NPRL3: variants seen among roughly 807,000 people sequenced by gnomAD.
NPRL3 encodes the protein NPR3 like, GATOR1 complex subunit.
NPRL3 carries 23 observed loss-of-function variants against 57.2 expected under a neutral mutation model. The observed-to-expected ratio is 0.40, with a 90% CI of 0.29 to 0.57. The LOEUF (loss-of-function observed/expected upper bound fraction) is 0.57. NPRL3 is among the 20% of genes least tolerant of loss of function. The pLI is 0.42. For missense variants in NPRL3, 691 were observed against 767.1 expected (o/e 0.90, Z 1.17); for synonymous variants, 333 against 321.1 (o/e 1.04, Z -0.39).
chr16:90,176 G>A lies in NPRL3; in HGVS notation c.1162-274C>T, dbSNP rs183079308. The A allele has an allele frequency of 2.7e-3, 1,204 of 444,696 alleles. 38 individuals carry two copies. The Admixed American group carries it at 0.048, about 18-fold the overall frequency. 27.5% of individuals were successfully genotyped at this position (444,696 alleles called of 1,614,324 possible). A position where few individuals can be genotyped will look rare whatever the true frequency, so the allele number is the denominator to read the frequency against. On this transcript the variant is annotated intron_variant, in intron 11 of 13. Coordinates refer to ENST00000611875, the MANE Select transcript of NPRL3 (RefSeq NM_001077350.3). Reference sequence around the variant, plus strand: ...CGGGGCCACCCAGCATCTGGCTGAGGAGCAGGACCTGAGACGTGGAGGCCC... The same window carrying A: ...CGGGGCCACCCAGCATCTGGCTGAGAAGCAGGACCTGAGACGTGGAGGCCC...
Position 98,098 on chromosome 16 carries a change from G to A in NPRL3, c.924+47C>T, listed in dbSNP as rs550763256. The A allele has an allele frequency of 1.4e-4, 230 of 1,588,720 alleles. No individual in the cohort carries two copies. In the Middle Eastern group the frequency reaches 1.5e-3, roughly 11 times the overall value. The stretch of plus-strand genomic sequence containing the variant: ...TGGCAGGCGGCCTGCCTTTCCTGAT[G>A]CCCCAGCACCGCCACATGCCACCCA... On this transcript the variant is annotated intron_variant, in intron 9 of 13. Coordinates refer to ENST00000611875, the MANE Select transcript of NPRL3 (RefSeq NM_001077350.3).
chr16:96,269 A>G (rs539555085), intron 9 of NPRL3, among the ~76,000 whole-genome samples: 1 of 152,256 alleles, frequency 6.6e-6, no homozygotes, highest in South Asian at 2.1e-4. Flanking sequence ...CACAGTGTCC[A>G]GCACAAACTC....
intron 10 of NPRL3, 127 bp from the exon 11 acceptor site, chr16:92,852 C>A: frequency 1.6e-6 from 2 of 1,248,512 alleles, no homozygotes; most frequent in Non-Finnish European, 2.2e-6. Flanking sequence ...GAGGGCAGAA[C>A]GGTATGAGGC....
chr16:137,014 C>T (rs910216150), intron 2 of NPRL3, among the ~76,000 whole-genome samples: 26 of 148,918 alleles, frequency 1.7e-4, no homozygotes, highest in South Asian at 4.2e-4. Context: ...TCGAGATCAG[C>T]CTGGCCAACA....
intron 7 of NPRL3, among the ~76,000 whole-genome samples, chr16:107,641 G>A (rs949267025): frequency 6.6e-6 from 1 of 151,678 alleles, no homozygotes. Context: ...TAAAGTCAAT[G>A]GTTTGGTTTT....
chr16:89,774 G>T lies in NPRL3; in HGVS notation c.1290C>A (p.Phe430Leu). The T allele has an allele frequency of 6.2e-7, 1 of 1,601,252 alleles. No individual in the cohort carries two copies. ...EPRPREDDVP[F>L]TARVGGRSLS... ...GGCTGCGACCGCCGACCCGGGCAGTGAAGGGGACGTCGTCCTCTCGCGGAC... is the reference window on the plus strand; with the variant it reads ...GGCTGCGACCGCCGACCCGGGCAGTTAAGGGGACGTCGTCCTCTCGCGGAC... Residue 430 changes from phenylalanine (F) to leucine (L), a missense_variant, in exon 12 of 14, where the codon TTC becomes TTA. Transcript: ENST00000611875.
chr16:102,360 C>A (rs1271359697), intron 7 of NPRL3, among the ~76,000 whole-genome samples: 1 of 152,174 alleles, frequency 6.6e-6, no homozygotes, highest in Non-Finnish European at 1.5e-5. Flanking sequence ...CCCGGAGGCT[C>A]CAGGCAACAG....
chr16:134,694 A>ATTATTTTTTTTTTTTTTTTTT (rs1346965930), intron 2 of NPRL3, among the ~76,000 whole-genome samples: 1 of 103,412 alleles, frequency 9.7e-6, no homozygotes, highest in African/African-American at 3.4e-5. Flanking sequence ...AATTATTATT[A>ATTATTTTTTTTTTTTTTTTTT]TTTTTTTTTT....
At chr16:134,699 T>A (rs932291350) in intron 2 of NPRL3, among the ~76,000 whole-genome samples, 244 of 132,644 alleles carry the variant, frequency 1.8e-3, no homozygotes, top group African/African-American at 5.7e-3. Flanking sequence ...TTATTATTTT[T>A]TTTTTTTTTT....
intron 6 of NPRL3, 61 bp from the exon 7 acceptor site, chr16:110,667 C>G (rs1177672855): frequency 1.4e-6 from 2 of 1,422,874 alleles, no homozygotes; most frequent in African/African-American, 2.8e-5. Flanking sequence ...CCTGCCTCAG[C>G]CTTCCAAGTA....
chr16:132,849 T>C (rs1463887432), intron 2 of NPRL3, among the ~76,000 whole-genome samples: 1 of 152,088 alleles, frequency 6.6e-6, no homozygotes, highest in Non-Finnish European at 1.5e-5. Flanking sequence ...TTTTGTATTT[T>C]TAGTAGACAT....
intron 7 of NPRL3, among the ~76,000 whole-genome samples, chr16:108,326 A>T (rs8055187): frequency 0.37 from 56,633 of 152,080 alleles, 11,641 homozygotes; most frequent in Non-Finnish European, 0.48. Flanking sequence ...CAGAGATCCC[A>T]TTCCCCACTT....
intron 11 of NPRL3, 151 bp from the exon 12 acceptor site, chr16:90,053 G>A (rs1275106500): frequency 2.7e-6 from 2 of 730,088 alleles, no homozygotes; most frequent in Admixed American, 3.6e-5. Flanking sequence ...GGAGCCCCCA[G>A]CTGCCAGCCA....
intron 12 of NPRL3, chr16:89,511 G>A (rs750828333): frequency 2.4e-5 from 13 of 531,662 alleles, no homozygotes; most frequent in Non-Finnish European, 3.5e-5. Flanking sequence ...TGAAGAGCCC[G>A]GAGACAGAGC....
rs1262550310 is a variant in NPRL3, at chr16:85,682, G to A, written c.*1023C>T. On this transcript the variant is annotated 3_prime_UTR_variant, in exon 14 of 14. Transcript: ENST00000611875. ...AGCCCGGGTGGGCGTCGGCCATGCA[G>A]GGGAGTGGGCCCGGAAACCCCTCCG... 7 of 1,564,514 alleles carry A rather than the reference G, an allele frequency of 4.5e-6. No homozygotes were observed. Among genetic ancestry groups the A allele is most frequent in the Non-Finnish European group, 5.2e-6 (6 of 1,152,230 alleles).
chr16:87,103 C>T (rs897540620), intron 13 of NPRL3, among the ~76,000 whole-genome samples: 2 of 152,244 alleles, frequency 1.3e-5, no homozygotes, highest in Admixed American at 6.5e-5. Context: ...TTCAGGACGG[C>T]AGACGGCTGT....
chr16:137,045 TAAAAAAAAA>T (rs71391116), intron 2 of NPRL3, among the ~76,000 whole-genome samples: 3 of 66,078 alleles, frequency 4.5e-5, no homozygotes, highest in Admixed American at 1.8e-4. Flanking sequence ...CCATCTCTAC[TAAAAAAAAA>T]AAAAAAAAAA....
chr16:120,437 G>C (rs908072386), intron 3 of NPRL3, among the ~76,000 whole-genome samples: 6 of 152,214 alleles, frequency 3.9e-5, no homozygotes, highest in African/African-American at 1.4e-4. Flanking sequence ...AGGAAGGCCT[G>C]CTTTGAACTG....
intron 2 of NPRL3, among the ~76,000 whole-genome samples, chr16:135,315 G>A (rs1031652317): frequency 2.6e-5 from 4 of 152,142 alleles, no homozygotes; most frequent in Non-Finnish European, 5.9e-5. Flanking sequence ...CAGCTCTTAG[G>A]ATTAGCCTTC....
Sources: allele counts gnomAD v4.1 joint callset (sites outside exome capture counted in the v4.1 genomes callset), GRCh38; gene constraint gnomAD v4.1.1; transcripts MANE v1.5; gene names NCBI Gene and HGNC (gene_info 2026-07-23, HGNC 2026-07-21).